FKBP10: variants seen among roughly 807,000 people sequenced by gnomAD.
FKBP10 encodes FKBP prolyl isomerase 10.
FKBP10 carries 34 observed loss-of-function variants against 53.7 expected under a neutral mutation model. That is an observed-to-expected ratio of 0.63 (90% CI 0.48 to 0.84). The LOEUF (loss-of-function observed/expected upper bound fraction) is 0.84, where lower values mean the gene tolerates loss of function less well. FKBP10 is among the 40% of genes least tolerant of loss of function. The probability of loss-of-function intolerance (pLI) is 0.00; values close to 1 mark genes in which losing one functional copy is unlikely to be tolerated. For missense variants in FKBP10, 748 were observed against 797.8 expected (o/e 0.94, Z 0.75); for synonymous variants, 324 against 335.7 (o/e 0.97, Z 0.38).
chr17:41,816,416 A>T (rs1381305968), intron 1 of FKBP10, among the ~76,000 whole-genome samples: 1 of 151,504 alleles, frequency 6.6e-6, no homozygotes, highest in African/African-American at 2.4e-5. Context: ...ATTTTTAGTA[A>T]AGACGGGGTT....
At position 41,822,313 on chromosome 17, in the gene FKBP10, C is replaced by G. The variant is rs1555617347; in HGVS notation, c.1654C>G (p.Gln552Glu). The G allele has an allele frequency of 6.2e-7, 1 of 1,613,894 alleles. No individual in the cohort carries two copies. The highest frequency in any genetic ancestry group is 1.1e-5 in the South Asian group (1 of 91,000). Residue 552 changes from glutamine (Q) to glutamate (E), a missense_variant, in exon 10 of 10, where the codon CAG becomes GAG. Transcript: ENST00000321562. ...DPEKTIGDMF[Q>E]NQDRNQDGKI... is the part of the protein sequence containing the mutation. ...TGAGAAAACCATAGGAGACATGTTC[C>G]AGAACCAGGACCGCAACCAGGACGG...
Position 41,819,738 on chromosome 17 carries a change from A to AC in FKBP10, c.1063+68dup, listed in dbSNP as rs2047866420. ...CCGAACTGCCCATTGTGTCTAGGCC[A>AC]CCCCCTCCCACAGTGGGATTCCAGG... On this transcript the variant is annotated intron_variant, in intron 6 of 9. Transcript: ENST00000321562. The AC allele has an allele frequency of 1.9e-6, 3 of 1,555,340 alleles. No homozygotes were observed. In the South Asian group the frequency reaches 3.5e-5, roughly 18 times the overall value.
chr17:41,819,319 T>A lies in FKBP10; in HGVS notation c.837T>A (p.Cys279Ter). The A allele has an allele frequency of 1.9e-6, 3 of 1,613,972 alleles. No homozygotes were observed. Among genetic ancestry groups the A allele is most frequent in the Non-Finnish European group, 2.5e-6 (3 of 1,179,992 alleles). ...AGACGCTGGAGCTCCCCCCCGGCTG[T>A]GTCCGCAGAGCCGGGGCCGGGGACT... Reference protein sequence around the residue: ...QLETLELPPGCVRRAGAGDFM... With the variant: ...QLETLELPPG Residue 279 changes from cysteine (C) to a stop codon, truncating the protein, a stop_gained, in exon 5 of 10, where the codon TGT (cysteine) becomes TGA (stop). Transcript: ENST00000321562. LOFTEE classifies it high-confidence loss of function.
At chr17:41,820,540 C>T in intron 7 of FKBP10, 79 bp downstream of exon 7, 1 of 1,432,878 alleles carries the variant, frequency 7.0e-7, no homozygotes, top group Non-Finnish European at 9.7e-7. Context: ...ACCCCCGACG[C>T]CTGCTCCTCC....
At position 41,822,488 on chromosome 17, in the gene FKBP10, A is replaced by G; in HGVS notation, c.*80A>G. On this transcript the variant is annotated 3_prime_UTR_variant, in exon 10 of 10. Transcript: ENST00000321562. The stretch of plus-strand genomic sequence containing the variant: ...GTGGCGGTGGGACTGACCTGCTGAC[A>G]GTCACCCTCCCTCTGCTGGGATGAG... The G allele has an allele frequency of 6.8e-7, 1 of 1,477,048 alleles. No individual in the cohort carries two copies. The highest frequency in any genetic ancestry group is 1.2e-5 in the South Asian group (1 of 82,586). The allele number at this position is 1,477,048 out of a possible 1,614,324, so 91.5% of individuals were successfully genotyped here.
intron 1 of FKBP10, 103 bp downstream of exon 1, chr17:41,813,382 C>G: frequency 6.7e-7 from 1 of 1,498,016 alleles, no homozygotes; most frequent in South Asian, 1.1e-5. Context: ...ATACTCTAAC[C>G]CTAGACAGCA....
intron 5 of FKBP10, 54 bp downstream of exon 5, chr17:41,819,453 C>G (rs2047860780): frequency 6.2e-7 from 1 of 1,613,794 alleles, no homozygotes; most frequent in Non-Finnish European, 8.5e-7. Flanking sequence ...GTGGACGAAG[C>G]TGGGGGTCAC....
Position 41,820,474 on chromosome 17 carries a change from G to C in FKBP10, c.1256+13G>C, listed in dbSNP as rs201251626. 156 of 1,613,422 alleles carry C rather than the reference G, an allele frequency of 9.7e-5. No individual in the cohort carries two copies. The highest frequency in any genetic ancestry group is 3.4e-4 in the Middle Eastern group (2 of 5,826). On this transcript the variant is annotated intron_variant, in intron 7 of 9. Transcript: ENST00000321562. Reference sequence around the variant, plus strand: ...AGCTGTTCACCTCGTGGGTCCGGGGGGGGGCCGGGACTGGGCAGGTGGGTG... The same window carrying C: ...AGCTGTTCACCTCGTGGGTCCGGGGCGGGGCCGGGACTGGGCAGGTGGGTG...
At chr17:41,817,567 G>A (rs2047832166) in intron 2 of FKBP10, among the ~76,000 whole-genome samples, 1 of 152,110 alleles carries the variant, frequency 6.6e-6, no homozygotes, top group Admixed American at 6.5e-5. Flanking sequence ...GGAGGCTGCA[G>A]TGAGCCATGA....
rs558647809 is a variant in FKBP10 at position 41,822,574 on chromosome 17, A to G, written c.*166A>G. The G allele has an allele frequency of 1.9e-5, 14 of 743,376 alleles. No homozygotes were observed. The highest frequency in any genetic ancestry group is 3.2e-5 in the Non-Finnish European group (14 of 435,788). 46.0% of individuals were successfully genotyped at this position (743,376 alleles called of 1,614,324 possible). A position where few individuals can be genotyped will look rare whatever the true frequency, so the allele number is the denominator to read the frequency against. On this transcript the variant is annotated 3_prime_UTR_variant, in exon 10 of 10. Transcript: ENST00000321562. ...ATCTCTGGTGTTCCCACCACCCTAG[A>G]TGAAAATCCACAGCACAGACCTCTA... is the stretch of plus-strand genomic sequence containing the variant.
chr17:41,818,875 G>C, intron 4 of FKBP10: 1 of 404,544 alleles, frequency 2.5e-6, no homozygotes, highest in African/African-American at 2.1e-5. Flanking sequence ...AAAATGACGT[G>C]AACCCGGGAG....
Position 41,822,628 on chromosome 17 carries a change from T to G in FKBP10, c.*220T>G. The G allele has an allele frequency of 1.7e-6, 1 of 605,414 alleles. No homozygotes were observed. The allele number at this position is 605,414 out of a possible 1,614,324, so 37.5% of individuals were successfully genotyped here. A position where few individuals can be genotyped will look rare whatever the true frequency, so the allele number is the denominator to read the frequency against. ...TGTTTCTCTTCCATCCCTAAACCAC[T>G]TCCTTAAAATGTTTGGATTTGCAAA... is the stretch of plus-strand genomic sequence containing the variant. On this transcript the variant is annotated 3_prime_UTR_variant, in exon 10 of 10. Coordinates refer to ENST00000321562, the MANE Select transcript of FKBP10 (RefSeq NM_021939.4).
intron 4 of FKBP10, 68 bp downstream of exon 4, chr17:41,818,595 T>A (rs1179699464): frequency 1.3e-6 from 2 of 1,594,564 alleles, no homozygotes; most frequent in African/African-American, 2.7e-5. Flanking sequence ...CCACATACAG[T>A]TGCTCAGGTT....
intron 7 of FKBP10, 168 bp downstream of exon 7, chr17:41,820,629 A>G: frequency 1.3e-6 from 1 of 750,078 alleles, no homozygotes; most frequent in Non-Finnish European, 2.2e-6. Flanking sequence ...CATGTCGAGG[A>G]GATGAAATTC....
intron 2 of FKBP10, 77 bp from the exon 3 acceptor site, chr17:41,818,012 G>A: frequency 2.8e-6 from 4 of 1,421,498 alleles, no homozygotes; most frequent in Non-Finnish European, 3.9e-6. Context: ...GAGAGGAAGG[G>A]GAATAACAGG....
At chr17:41,818,872 C>T in intron 4 of FKBP10, 2 of 404,870 alleles carry the variant, frequency 4.9e-6, no homozygotes, top group East Asian at 5.5e-5. Context: ...AGGAAAATGA[C>T]GTGAACCCGG....
chr17:41,819,535 C>T lies in FKBP10; in HGVS notation c.923C>T (p.Ser308Phe), dbSNP rs372992209. 2.0e-4 allele frequency: 318 copies of T among 1,614,006 alleles called. No homozygotes were observed. Among genetic ancestry groups the T allele is most frequent in the Non-Finnish European group, 2.5e-4 (297 of 1,180,024 alleles). The change falls in exon 6 of 10, where the codon TCC (serine) becomes TTC (phenylalanine). Residue 308 changes from serine to phenylalanine, a missense_variant. Transcript: ENST00000321562. ...CCTCCCGCCTTGTATTGCAGCTACT[C>T]CCGCAACCACACCTACAATACCTAT... ...MDGTLFDSSY[S>F]RNHTYNTYIG...
intron 4 of FKBP10, chr17:41,818,866 A>C (rs1428955252): frequency 4.8e-6 from 2 of 416,470 alleles, no homozygotes; most frequent in African/African-American, 4.1e-5. Flanking sequence ...TGAGGCAGGA[A>C]AATGACGTGA....
In FKBP10 at chr17:41,819,303, A is replaced by G; in HGVS notation, c.821A>G (p.Glu274Gly). ...GACGCTGTCCAGCTAGAGACGCTGG[A>G]GCTCCCCCCCGGCTGTGTCCGCAGA... ...PKDAVQLETLELPPGCVRRAG... is the reference protein window; with the variant it reads ...PKDAVQLETLGLPPGCVRRAG... Residue 274 changes from glutamate (E) to glycine (G), a missense_variant, in exon 5 of 10, where the codon GAG (glutamate) becomes GGG (glycine). Coordinates refer to ENST00000321562, the MANE Select transcript of FKBP10 (RefSeq NM_021939.4). 6.2e-7 allele frequency: 1 copy of G among 1,613,954 alleles called. No individual in the cohort carries two copies. The highest frequency in any genetic ancestry group is 2.2e-5 in the East Asian group (1 of 44,862).
Sources: gnomAD v4.1 joint callset for allele counts (sites outside exome capture counted in the v4.1 genomes callset) on GRCh38, gnomAD v4.1.1 for gene constraint, MANE v1.5 for transcripts, NCBI Gene and HGNC (gene_info 2026-07-23, HGNC 2026-07-21) for gene names.